The following RPS6KC1 variants were observed in gnomAD, a reference collection of about 807,000 sequenced individuals.
RPS6KC1 encodes the protein inactive ribosomal protein S6 kinase delta-1.
In RPS6KC1, 54 loss-of-function variants were observed where a neutral mutation model predicts 103.8. The observed-to-expected ratio is 0.52, with a 90% CI of 0.42 to 0.65. The LOEUF (loss-of-function observed/expected upper bound fraction) is 0.65. Ranked by LOEUF, RPS6KC1 falls within the 30% of genes least tolerant of loss-of-function variation. RPS6KC1 has a pLI of 0.00. For missense variants in RPS6KC1, 1,151 were observed against 1,253.8 expected (o/e 0.92, Z 1.24); for synonymous variants, 439 against 438.7 (o/e 1.00, Z -0.01).
At chr1:213,741,403 A>C in the RPS6KC1 span, among the ~76,000 whole-genome samples, 1 of 152,104 alleles carries the variant, frequency 6.6e-6, no homozygotes, top group African/African-American at 2.4e-5. Flanking sequence ...TATTGAACCC[A>C]TCTCTTCTTG....
chr1:213,240,949 A>G lies in RPS6KC1; in HGVS notation c.1473A>G (p.Gln491=). 1 of 1,613,908 alleles carries G rather than the reference A, an allele frequency of 6.2e-7. No homozygotes were observed. The highest frequency in any genetic ancestry group is 8.5e-7 in the Non-Finnish European group (1 of 1,179,944). Reference sequence around the variant, plus strand: ...ACAGCAACCAGGAAGATGATGGCCAAGATAGCTCTCCAAAGTGGCCAGATT... The same window carrying G: ...ACAGCAACCAGGAAGATGATGGCCAGGATAGCTCTCCAAAGTGGCCAGATT... ...QDDSNQEDDG[Q]DSSPKWPDSG... is the part of the protein sequence containing the mutation. Residue 491 remains glutamine (Q), a synonymous_variant, in exon 11 of 15, where the codon CAA becomes CAG. Transcript: ENST00000366960.
chr1:213,520,960 T>G, the RPS6KC1 span, among the ~76,000 whole-genome samples: 5 of 152,226 alleles, frequency 3.3e-5, no homozygotes, highest in African/African-American at 1.2e-4. Context: ...TTAACCATTA[T>G]TGGCCATTTG....
chr1:213,180,374 T>TATAACTAGAACCAAATTAGTACAA (rs2092191403), intron 8 of RPS6KC1, among the ~76,000 whole-genome samples: 1 of 152,220 alleles, frequency 6.6e-6, no homozygotes, highest in Admixed American at 6.5e-5. Flanking sequence ...CCTCATAGGA[T>TATAACTAGAACCAAATTAGTACAA]ATAACTAGAA....
the RPS6KC1 span, among the ~76,000 whole-genome samples, chr1:213,780,819 T>C: frequency 6.6e-6 from 1 of 151,998 alleles, no homozygotes; most frequent in Non-Finnish European, 1.5e-5. Context: ...AGGCCAGAAG[T>C]TTGAGACCAG....
At chr1:213,537,044 G>A in the RPS6KC1 span, among the ~76,000 whole-genome samples, 6 of 152,314 alleles carry the variant, frequency 3.9e-5, 1 homozygote, top group East Asian at 1.2e-3. Flanking sequence ...GGACTGGACA[G>A]ACAAGCTGCA....
chr1:213,824,999 C>A, the RPS6KC1 span, among the ~76,000 whole-genome samples: 1 of 152,212 alleles, frequency 6.6e-6, no homozygotes, highest in Non-Finnish European at 1.5e-5. Flanking sequence ...CTTCTGCCCC[C>A]TCCCTGGCAG....
the RPS6KC1 span, among the ~76,000 whole-genome samples, chr1:213,367,687 C>A: frequency 6.6e-6 from 1 of 152,168 alleles, no homozygotes; most frequent in Non-Finnish European, 1.5e-5. Context: ...AAACATGGTG[C>A]TTCGTGACAT....
the RPS6KC1 span, among the ~76,000 whole-genome samples, chr1:213,624,995 T>C: frequency 1.3e-5 from 2 of 152,114 alleles, no homozygotes; most frequent in Non-Finnish European, 2.9e-5. Flanking sequence ...GTTTTGTTTC[T>C]TTTCCAAGAC....
the RPS6KC1 span, among the ~76,000 whole-genome samples, chr1:213,689,253 C>T: frequency 1.1e-4 from 16 of 152,082 alleles, no homozygotes; most frequent in East Asian, 7.7e-4. Flanking sequence ...GGAGGAATGA[C>T]GAAGCTCTGT....
At chr1:213,597,609 G>A in the RPS6KC1 span, among the ~76,000 whole-genome samples, 8 of 152,296 alleles carry the variant, frequency 5.3e-5, no homozygotes, top group Middle Eastern at 3.4e-3. Flanking sequence ...AGGGGAAACC[G>A]AAGATCAGAG....
At chr1:213,188,155 C>T (rs1489421662) in intron 8 of RPS6KC1, among the ~76,000 whole-genome samples, 1 of 152,130 alleles carries the variant, frequency 6.6e-6, no homozygotes, top group Non-Finnish European at 1.5e-5. Context: ...TTTGTCTCTG[C>T]CTGTCCTCAG....
intron 7 of RPS6KC1, among the ~76,000 whole-genome samples, chr1:213,170,619 G>A (rs947229279): frequency 2.6e-5 from 4 of 152,216 alleles, no homozygotes; most frequent in Non-Finnish European, 5.9e-5. Context: ...GATTTGACAT[G>A]TAGGATTTTT....
At chr1:213,442,035 C>G in the RPS6KC1 span, among the ~76,000 whole-genome samples, 1 of 152,202 alleles carries the variant, frequency 6.6e-6, no homozygotes, top group Non-Finnish European at 1.5e-5. Context: ...GGAGGAGAGA[C>G]TTTGCCATGA....
the RPS6KC1 span, among the ~76,000 whole-genome samples, chr1:213,559,661 G>A: frequency 2.0e-5 from 3 of 152,258 alleles, no homozygotes; most frequent in African/African-American, 7.2e-5. Context: ...ACCTTTGCCC[G>A]AGGGCCTGGG....
the RPS6KC1 span, among the ~76,000 whole-genome samples, chr1:213,753,731 T>A: frequency 6.6e-6 from 1 of 152,232 alleles, no homozygotes; most frequent in Non-Finnish European, 1.5e-5. Flanking sequence ...GGCACATCTA[T>A]TTCTATGAAT....
chr1:213,136,474 A>C (rs548570710), intron 6 of RPS6KC1, among the ~76,000 whole-genome samples: 42 of 152,144 alleles, frequency 2.8e-4, no homozygotes, highest in African/African-American at 9.4e-4. Context: ...CAAAAAAAAA[A>C]CACATTGAAA....
chr1:213,363,813 TCTTCTCTC>T, the RPS6KC1 span, among the ~76,000 whole-genome samples: 1 of 69,890 alleles, frequency 1.4e-5, no homozygotes, highest in African/African-American at 1.2e-4. Context: ...TTTCTTTCTT[TCTTCTCTC>T]TTTTTTTTTT....
At chr1:213,173,062 C>T (rs1372316042) in intron 7 of RPS6KC1, among the ~76,000 whole-genome samples, 2 of 152,082 alleles carry the variant, frequency 1.3e-5, no homozygotes, top group Non-Finnish European at 1.5e-5. Context: ...AACCTTGCTG[C>T]GTCTCAGTTT....
chr1:213,446,265 C>T, the RPS6KC1 span, among the ~76,000 whole-genome samples: 3 of 152,282 alleles, frequency 2.0e-5, no homozygotes, highest in East Asian at 5.8e-4. Context: ...AAGCCTTTGC[C>T]CACACCCCAG....
Sources: gnomAD v4.1 joint callset for allele counts (sites outside exome capture counted in the v4.1 genomes callset) on GRCh38, gnomAD v4.1.1 for gene constraint, MANE v1.5 for transcripts, NCBI Gene and HGNC (gene_info 2026-07-23, HGNC 2026-07-21) for gene names.